LDB2: variants seen among roughly 807,000 people sequenced by gnomAD.
The protein encoded by LDB2 is LIM domain binding 2, also known as LIM domain-binding protein 2.
A neutral mutation model predicts 44.3 loss-of-function variants in LDB2; 12 were observed. That is an observed-to-expected ratio of 0.27 (90% CI 0.17 to 0.44). LDB2 has a LOEUF of 0.44. Among genes scored for constraint, LDB2 ranks in the 20% least tolerant of loss-of-function variants. The probability of loss-of-function intolerance (pLI) is 1.00; values close to 1 mark genes in which losing one functional copy is unlikely to be tolerated. For missense variants in LDB2, 344 were observed against 473.5 expected (o/e 0.73, Z 2.54); for synonymous variants, 164 against 174.8 (o/e 0.94, Z 0.49).
At chr4:16,701,866 A>G (rs1461451783) in intron 2 of LDB2, among the ~76,000 whole-genome samples, 1 of 152,234 alleles carries the variant, frequency 6.6e-6, no homozygotes, top group Non-Finnish European at 1.5e-5. Context: ...AGAAGACCAG[A>G]TATATAATGA....
intron 1 of LDB2, among the ~76,000 whole-genome samples, chr4:16,823,326 T>C (rs1782456994): frequency 6.6e-6 from 1 of 152,212 alleles, no homozygotes; most frequent in African/African-American, 2.4e-5. Flanking sequence ...AGAAGTCACT[T>C]TCTTTTGACT....
At chr4:16,716,163 C>T (rs1420485576) in intron 2 of LDB2, among the ~76,000 whole-genome samples, 1 of 152,014 alleles carries the variant, frequency 6.6e-6, no homozygotes, top group Non-Finnish European at 1.5e-5. Flanking sequence ...AGGAACAAAC[C>T]CTTCTGATGT....
chr4:16,869,097 G>A (rs1456528480), intron 1 of LDB2, among the ~76,000 whole-genome samples: 1 of 152,074 alleles, frequency 6.6e-6, no homozygotes, highest in African/African-American at 2.4e-5. Context: ...GTTTCCTTCA[G>A]TTAATTCTCA....
chr4:16,811,835 C>G (rs1779930551), intron 1 of LDB2, among the ~76,000 whole-genome samples: 1 of 152,148 alleles, frequency 6.6e-6, no homozygotes, highest in Non-Finnish European at 1.5e-5. Flanking sequence ...CTAGAAAGCA[C>G]TTTCTTAGAC....
At chr4:16,514,296 C>G (rs1041793431) in intron 5 of LDB2, among the ~76,000 whole-genome samples, 2 of 152,132 alleles carry the variant, frequency 1.3e-5, no homozygotes, top group African/African-American at 4.8e-5. Flanking sequence ...AGGAGTGACC[C>G]TTATAATAGG....
chr4:16,731,493 G>A (rs1179107762), intron 2 of LDB2, among the ~76,000 whole-genome samples: 1 of 152,108 alleles, frequency 6.6e-6, no homozygotes, highest in Non-Finnish European at 1.5e-5. Context: ...ATGCACGTGT[G>A]TGTGTGCTCT....
At chr4:16,699,195 C>T (rs1218871028) in intron 2 of LDB2, among the ~76,000 whole-genome samples, 4 of 152,216 alleles carry the variant, frequency 2.6e-5, no homozygotes, top group Non-Finnish European at 5.9e-5. Flanking sequence ...CGTAAGATAA[C>T]TCCTTCTAAT....
chr4:16,512,580 G>T (rs1333399240), intron 5 of LDB2, among the ~76,000 whole-genome samples: 1 of 152,230 alleles, frequency 6.6e-6, no homozygotes, highest in African/African-American at 2.4e-5. Context: ...ATGCAGATTG[G>T]TAGTGAAATC....
At chr4:16,798,035 G>A (rs796667429) in intron 1 of LDB2, among the ~76,000 whole-genome samples, 2,092 of 71,634 alleles carry the variant, frequency 0.029, 59 homozygotes, top group African/African-American at 0.08. Context: ...ACTCTGTCTC[G>A]AAAAAAAAAA....
intron 2 of LDB2, among the ~76,000 whole-genome samples, chr4:16,682,740 G>C (rs1349424457): frequency 6.6e-6 from 1 of 152,178 alleles, no homozygotes; most frequent in African/African-American, 2.4e-5. Context: ...CTGGTTCTGA[G>C]GCTCAGAATT....
chr4:16,898,099 A>G lies in LDB2; in HGVS notation c.132+255T>C, dbSNP rs1169157251. The stretch of plus-strand genomic sequence containing the variant: ...AACACCAGAGTTCTGGAAGAGCAAC[A>G]TTTCTGGAAACCCGGCATGTGAATC... On this transcript the variant is annotated intron_variant, in intron 1 of 7. Transcript: ENST00000304523. Among the ~76,000 whole-genome samples, 3 of 151,584 alleles carry G rather than the reference A, an allele frequency of 2.0e-5. No individual in the cohort carries two copies. In the East Asian group the frequency reaches 5.8e-4, roughly 29 times the overall value.
chr4:16,512,143 A>G (rs2152236669), intron 5 of LDB2, 39 bp from the exon 6 acceptor site: 2 of 1,537,018 alleles, frequency 1.3e-6, no homozygotes, highest in African/African-American at 1.4e-5. Flanking sequence ...TCACTACTTC[A>G]TAACACTAAT....
intron 1 of LDB2, among the ~76,000 whole-genome samples, chr4:16,869,177 G>A (rs1715688197): frequency 6.6e-6 from 1 of 151,988 alleles, no homozygotes; most frequent in African/African-American, 2.4e-5. Flanking sequence ...ATCAGGTGAG[G>A]AAGCTGGGGC....
intron 2 of LDB2, among the ~76,000 whole-genome samples, chr4:16,710,653 G>A (rs971340174): frequency 2.6e-5 from 4 of 151,904 alleles, no homozygotes; most frequent in Non-Finnish European, 5.9e-5. Flanking sequence ...TTTTATTTAA[G>A]AAAATACAAA....
At chr4:16,536,569 C>T (rs139732394) in intron 5 of LDB2, among the ~76,000 whole-genome samples, 4 of 152,326 alleles carry the variant, frequency 2.6e-5, no homozygotes, top group African/African-American at 9.6e-5. Context: ...ATGTGATGAA[C>T]AGGCATTGTG....
At chr4:16,600,638 G>A (rs1700364320) in intron 2 of LDB2, among the ~76,000 whole-genome samples, 1 of 152,056 alleles carries the variant, frequency 6.6e-6, no homozygotes, top group Admixed American at 6.6e-5. Context: ...ATAGCTAATT[G>A]AGCTGTGGAT....
At chr4:16,667,372 C>G (rs962193289) in intron 2 of LDB2, among the ~76,000 whole-genome samples, 6 of 152,174 alleles carry the variant, frequency 3.9e-5, no homozygotes, top group Non-Finnish European at 1.5e-5. Context: ...TCTACACCAT[C>G]CTCTTGACAA....
At chr4:16,893,569 C>A (rs932319061) in intron 1 of LDB2, among the ~76,000 whole-genome samples, 2 of 151,716 alleles carry the variant, frequency 1.3e-5, no homozygotes. Context: ...GGGGTGAAAA[C>A]CAGCAGATTT....
rs966145152 is a variant in LDB2 at position 16,834,975 on chromosome 4, G to A, written c.132+63379C>T. ...ATATTATTCCTACATTCCAGATGAG[G>A]AAACTGAAATTCATAGAGGAAATAC... On this transcript the variant is annotated intron_variant, in intron 1 of 7. Coordinates refer to ENST00000304523, the MANE Select transcript of LDB2 (RefSeq NM_001290.5). Among the ~76,000 whole-genome samples, 7 of 152,166 alleles carry A rather than the reference G, an allele frequency of 4.6e-5. No homozygotes were observed. In the East Asian group the frequency reaches 1.3e-3, roughly 29 times the overall value.
Sources: allele counts gnomAD v4.1 joint callset (sites outside exome capture counted in the v4.1 genomes callset), GRCh38; gene constraint gnomAD v4.1.1; transcripts MANE v1.5; gene names NCBI Gene and HGNC (gene_info 2026-07-23, HGNC 2026-07-21).